Variants in MAP4K4 observed in about 807,000 individuals in gnomAD.
MAP4K4 encodes the protein HPK/GCK-like kinase HGK.
Under a neutral mutation model 189.6 loss-of-function variants are expected in MAP4K4, and 38 were observed. The ratio of observed to expected loss-of-function variants is 0.20; its 90% CI spans 0.15 to 0.26. MAP4K4 has a LOEUF of 0.26. Ranked by LOEUF, MAP4K4 falls within the 10% of genes least tolerant of loss-of-function variation. The probability of loss-of-function intolerance (pLI) is 1.00; values close to 1 mark genes in which losing one functional copy is unlikely to be tolerated. For synonymous variants in MAP4K4, 610 were observed against 624.3 expected (o/e 0.98, Z 0.34); for missense variants, 1,054 against 1,726.9 (o/e 0.61, Z 6.91).
chr2:101,763,197 G>A (rs1446301426), intron 2 of MAP4K4, among the ~76,000 whole-genome samples: 1 of 152,132 alleles, frequency 6.6e-6, no homozygotes, highest in African/African-American at 2.4e-5. Context: ...AGAAGAATCC[G>A]GTGAGACTGA....
intron 26 of MAP4K4, 59 bp downstream of exon 26, chr2:101,874,311 T>A (rs2098135414): frequency 6.8e-7 from 1 of 1,462,066 alleles, no homozygotes; most frequent in Non-Finnish European, 9.3e-7. Flanking sequence ...TGGCTGGTCT[T>A]CTAGAGAAGT....
intron 12 of MAP4K4, among the ~76,000 whole-genome samples, chr2:101,852,352 T>C (rs1015155482): frequency 6.6e-6 from 1 of 152,140 alleles, no homozygotes; most frequent in Admixed American, 6.5e-5. Context: ...AGATGTCATA[T>C]GCTAGGTATA....
At chr2:101,756,296 T>C (rs2072754586) in intron 2 of MAP4K4, among the ~76,000 whole-genome samples, 1 of 152,112 alleles carries the variant, frequency 6.6e-6, no homozygotes, top group South Asian at 2.1e-4. Flanking sequence ...TGTCAGACCC[T>C]CCTGCAAAAT....
At chr2:101,773,764 C>T (rs917819171) in intron 2 of MAP4K4, among the ~76,000 whole-genome samples, 1 of 152,170 alleles carries the variant, frequency 6.6e-6, no homozygotes, top group African/African-American at 2.4e-5. Flanking sequence ...CTCTGGTAAC[C>T]ATCCTTCTAC....
At chr2:101,760,700 A>G (rs1401650633) in intron 2 of MAP4K4, among the ~76,000 whole-genome samples, 1 of 152,102 alleles carries the variant, frequency 6.6e-6, no homozygotes, top group Non-Finnish European at 1.5e-5. Context: ...ACTCTCTGTT[A>G]GAATAATATA....
At chr2:101,885,689 TA>T (rs1199366223) in intron 29 of MAP4K4, among the ~76,000 whole-genome samples, 1 of 152,228 alleles carries the variant, frequency 6.6e-6, no homozygotes, top group African/African-American at 2.4e-5. Context: ...AAATACTAAT[TA>T]AAAATTAAAT....
chr2:101,698,648 A>G (rs2036096664), intron 2 of MAP4K4, 110 bp downstream of exon 2: 15 of 980,148 alleles, frequency 1.5e-5, no homozygotes, highest in Non-Finnish European at 2.2e-5. Flanking sequence ...CGCTTGGCCA[A>G]AGTTGGGAGA....
chr2:101,869,534 T>G, intron 21 of MAP4K4, 88 bp from the exon 22 acceptor site: 1 of 1,019,704 alleles, frequency 9.8e-7, no homozygotes, highest in Non-Finnish European at 1.5e-6. Context: ...AAACTGACAT[T>G]GTGGCAATTT....
rs538412399 is a variant in MAP4K4, at chr2:101,818,367, G to A, written c.181-5561G>A. ...ACAAAGATAGAGTTAACAGTCAGTC[G>A]CCTTTTTCTTTTATCCAGCTGTCGC... On this transcript the variant is annotated intron_variant, in intron 3 of 32. Transcript: ENST00000324219. Among the ~76,000 whole-genome samples, 41 of 152,176 alleles carry A rather than the reference G, an allele frequency of 2.7e-4. No individual in the cohort carries two copies. In the South Asian group the frequency reaches 5.2e-3, roughly 19 times the overall value.
At chr2:101,779,415 A>G (rs1356186421) in intron 2 of MAP4K4, among the ~76,000 whole-genome samples, 3 of 152,182 alleles carry the variant, frequency 2.0e-5, no homozygotes, top group Non-Finnish European at 4.4e-5. Flanking sequence ...CCTTTTGTTT[A>G]CTTATTCATG....
chr2:101,712,018 T>C (rs2045879474), intron 2 of MAP4K4, among the ~76,000 whole-genome samples: 1 of 150,916 alleles, frequency 6.6e-6, no homozygotes, highest in African/African-American at 2.4e-5. Flanking sequence ...TTTGCTGACT[T>C]ATTACCTATA....
At chr2:101,792,684 G>T (rs1462982213) in intron 3 of MAP4K4, among the ~76,000 whole-genome samples, 1 of 150,476 alleles carries the variant, frequency 6.6e-6, no homozygotes, top group African/African-American at 2.5e-5. Flanking sequence ...CACCCAGGCT[G>T]GAGTGCTGTG....
chr2:101,762,078 A>T (rs528614145), intron 2 of MAP4K4, among the ~76,000 whole-genome samples: 1 of 152,190 alleles, frequency 6.6e-6, no homozygotes, highest in Non-Finnish European at 1.5e-5. Context: ...CCGGGAGTCT[A>T]TTCCAAGTAG....
intron 26 of MAP4K4, among the ~76,000 whole-genome samples, chr2:101,876,454 G>C (rs2098209536): frequency 6.6e-6 from 1 of 152,240 alleles, no homozygotes; most frequent in African/African-American, 2.4e-5. Flanking sequence ...ACTGACTACA[G>C]TTGTTTCTTG....
exon 33 of MAP4K4, chr2:101,892,435 G>C (rs751181877): frequency 1.9e-5 from 3 of 159,586 alleles, no homozygotes; most frequent in Non-Finnish European, 1.4e-5. Flanking sequence ...GTTTTTACCA[G>C]ATTCACCATT....
At position 101,888,983 on chromosome 2, in the gene MAP4K4, A is replaced by T. The variant is rs372768462; in HGVS notation, c.4071+48A>T. 9.3e-6 allele frequency: 14 copies of T among 1,497,482 alleles called. No individual in the cohort carries two copies. The African/African-American group carries it at 2.0e-4, about 21-fold the overall frequency. 92.8% of individuals were successfully genotyped at this position (1,497,482 alleles called of 1,614,324 possible). Reference sequence around the variant, plus strand: ...TTTTTAGTTGCTCTATCTTTTAATAATGGCTTGTTTTCCATGGAGTTTGAT... The same window carrying T: ...TTTTTAGTTGCTCTATCTTTTAATATTGGCTTGTTTTCCATGGAGTTTGAT... On this transcript the variant is annotated intron_variant, in intron 32 of 32. Transcript: ENST00000324219.
chr2:101,725,722 C>T (rs1479844920), intron 2 of MAP4K4, among the ~76,000 whole-genome samples: 1 of 152,184 alleles, frequency 6.6e-6, no homozygotes, highest in Non-Finnish European at 1.5e-5. Context: ...CAGTCAGCAT[C>T]TCATCAACAC....
chr2:101,866,657 G>C, intron 19 of MAP4K4, 78 bp downstream of exon 19: 1 of 1,537,144 alleles, frequency 6.5e-7, no homozygotes. Context: ...GTCTTAATCT[G>C]TAGTTTGCGT....
chr2:101,848,815 A>G lies in MAP4K4; in HGVS notation c.1233+4504A>G, dbSNP rs77508867. On this transcript the variant is annotated intron_variant, in intron 12 of 32. Transcript: ENST00000324219. The stretch of plus-strand genomic sequence containing the variant: ...TGCCTCCTCCTTGTCTCTTGTGTGA[A>G]CTGGATCTTCTTTGGAAGTCCTTGC... Among the ~76,000 whole-genome samples, 682 of 152,210 alleles carry G rather than the reference A, an allele frequency of 4.5e-3. 8 individuals carry two copies. The highest frequency in any genetic ancestry group is 4.2e-3 in the Non-Finnish European group (287 of 68,004).
Sources: allele counts gnomAD v4.1 joint callset (sites outside exome capture counted in the v4.1 genomes callset), GRCh38; gene constraint gnomAD v4.1.1; transcripts MANE v1.5; gene names NCBI Gene and HGNC (gene_info 2026-07-23, HGNC 2026-07-21).